The following DCTN1 variants were observed in gnomAD, a reference collection of about 807,000 sequenced individuals.
The protein encoded by DCTN1 is dynactin subunit 1.
Under a neutral mutation model 161.2 loss-of-function variants are expected in DCTN1, and 61 were observed. The observed-to-expected ratio is 0.38, with a 90% CI of 0.31 to 0.47. The LOEUF is 0.47. Ranked by LOEUF, DCTN1 falls within the 20% of genes least tolerant of loss-of-function variation. The pLI is 0.99. For missense variants in DCTN1, 1,404 were observed against 1,623.7 expected (o/e 0.86, Z 2.33); for synonymous variants, 653 against 632.4 (o/e 1.03, Z -0.49).
chr2:74,365,732 AT>A (rs1215030587), intron 24 of DCTN1, 75 bp from the exon 25 acceptor site: 12 of 1,612,700 alleles, frequency 7.4e-6, no homozygotes, highest in Non-Finnish European at 1.0e-5. Flanking sequence ...AGACCATGAG[AT>A]AGTAGGTTCC....
At chr2:74,367,936 C>T in intron 17 of DCTN1, 35 bp downstream of exon 17, 4 of 1,614,224 alleles carry the variant, frequency 2.5e-6, no homozygotes, top group Non-Finnish European at 3.4e-6. Flanking sequence ...ATCCTGGACC[C>T]CCACCCTGGG....
rs754525721 is a variant in DCTN1, at chr2:74,367,428, G to T, written c.2185-8C>A. 6.2e-7 allele frequency: 1 copy of T among 1,614,110 alleles called. No homozygotes were observed. Among genetic ancestry groups the T allele is most frequent in the Non-Finnish European group, 8.5e-7 (1 of 1,180,020 alleles). On this transcript the variant is annotated splice_polypyrimidine_tract_variant and splice_region_variant and intron_variant, in intron 18 of 31. Coordinates refer to ENST00000628224, the MANE Select transcript of DCTN1 (RefSeq NM_004082.5). ...GTGGATGCTGTACAGATGCTGAGGA[G>T]AGATAACAGACAGACAACTTTTAGG...
Position 74,371,650 on chromosome 2 carries a change from G to A in DCTN1, c.532C>T (p.Leu178=). The A allele has an allele frequency of 1.9e-6, 3 of 1,596,894 alleles. No individual in the cohort carries two copies. The highest frequency in any genetic ancestry group is 2.6e-6 in the Non-Finnish European group (3 of 1,173,006). ...GPSGSASAGE[L]SSSEPSTPAQ... ...GGGGTGCTGGGCTCACTGCTGCTCA[G>A]CTCACCTGCTGACGCTGAGCCAGAG... Residue 178 remains leucine, a synonymous_variant, in exon 8 of 32, where the codon CTG becomes TTG. Coordinates refer to ENST00000628224, the MANE Select transcript of DCTN1 (RefSeq NM_004082.5).
rs893332854 is a variant in DCTN1, at chr2:74,369,723, G to C, written c.1393-232C>G. ...AGCTACTCGGGAGGCTGAGGCAGGA[G>C]AATCGCTTGAACCTGGGAGGCGGAG... On this transcript the variant is annotated intron_variant, in intron 13 of 31. Coordinates refer to ENST00000628224, the MANE Select transcript of DCTN1 (RefSeq NM_004082.5). The surrounding 1 kb of genome is among the most constrained non-coding windows in gnomAD (Gnocchi z 4.9). Among the ~76,000 whole-genome samples the C allele has an allele frequency of 6.6e-6, 1 of 151,018 alleles. No homozygotes were observed. The highest frequency in any genetic ancestry group is 1.5e-5 in the Non-Finnish European group (1 of 67,892).
At chr2:74,365,494 G>GC in intron 25 of DCTN1, 21 bp downstream of exon 25, 1 of 1,614,090 alleles carries the variant, frequency 6.2e-7, no homozygotes, top group Non-Finnish European at 8.5e-7. Flanking sequence ...AGGAAGCAAG[G>GC]CCCCAGGGAA....
In DCTN1 at chr2:74,370,670, G is replaced by A. The variant is rs200952455; in HGVS notation, c.999C>T (p.Asp333=). The A allele has an allele frequency of 8.6e-5, 139 of 1,614,154 alleles. 6 individuals carry two copies. In the South Asian group the frequency reaches 9.2e-4, roughly 11 times the overall value. ...GGATCTCTAAGTCAGTAGTGAGCTC[G>A]TCCACCCGCTCCTTCAGTGCCTCCA... ...QEVEALKERV[D]ELTTDLEILK... Residue 333 remains aspartate, a synonymous_variant, in exon 10 of 32, where the codon GAC becomes GAT. Transcript: ENST00000628224. This position sits in a 1 kb window ranked among gnomAD's most constrained non-coding sequence, Gnocchi z 4.4.
chr2:74,366,462 C>T lies in DCTN1; in HGVS notation c.2625G>A (p.Glu875=), dbSNP rs1437635303. The change falls in exon 22 of 32, where the codon GAG becomes GAA. Residue 875 remains glutamate (E), a synonymous_variant. Transcript: ENST00000628224. ...CTACCCAGCCATCCAGGCCCACCTG[C>T]TCGCTTGCTTTGAAAGCCAGTTCCT... ...ALEELAFKAS[E]QIYGTPSSSP... 1.2e-6 allele frequency: 2 copies of T among 1,614,236 alleles called. No individual in the cohort carries two copies. Among genetic ancestry groups the T allele is most frequent in the South Asian group, 1.1e-5 (1 of 91,090 alleles).
exon 1 of DCTN1, chr2:74,391,799 C>T: frequency 2.2e-6 from 1 of 453,950 alleles, no homozygotes; most frequent in East Asian, 7.0e-5. Flanking sequence ...CGTACCTGCA[C>T]TGTGAGGGGC....
At chr2:74,388,197 A>AAAAACAAAACAAAAC (rs56908271) in intron 1 of DCTN1, among the ~76,000 whole-genome samples, 7 of 150,668 alleles carry the variant, frequency 4.6e-5, no homozygotes, top group Admixed American at 2.6e-4. Flanking sequence ...ACTGTATCTC[A>AAAAACAAAACAAAAC]AAAACAAAAC....
At position 74,372,918 on chromosome 2, in the gene DCTN1, G is replaced by C. The variant is rs1674971584; in HGVS notation, c.453+10C>G. 6.2e-7 allele frequency: 1 copy of C among 1,613,946 alleles called. No homozygotes were observed. On this transcript the variant is annotated intron_variant, in intron 7 of 31. Transcript: ENST00000628224. ...TCAGCAGTGGCTCACACAGGGGCCT[G>C]TTTTCTCACCTTGGGTCGCCGAGTT...
chr2:74,361,995 G>T (rs1436971834), intron 31 of DCTN1, 57 bp downstream of exon 31: 15 of 1,568,872 alleles, frequency 9.6e-6, no homozygotes, highest in Non-Finnish European at 1.3e-5. Context: ...TGGAGGAGAG[G>T]GGGGCCCGCC....
intron 26 of DCTN1, chr2:74,364,649 C>A: frequency 3.3e-6 from 1 of 300,590 alleles, no homozygotes; most frequent in Non-Finnish European, 6.5e-6. Context: ...AATGAAGCCA[C>A]ATGAACTCAG....
chr2:74,363,183 G>A lies in DCTN1; in HGVS notation c.3346-6C>T, dbSNP rs528028895. 5.6e-6 allele frequency: 9 copies of A among 1,614,052 alleles called. No homozygotes were observed. The East Asian group carries it at 1.6e-4, about 28-fold the overall frequency. The stretch of plus-strand genomic sequence containing the variant: ...GATGCCTTCATCTGGGCTCCCTGTG[G>A]ATGAAAAAAGAAGGATAGTGGTAAG... On this transcript the variant is annotated splice_region_variant and splice_polypyrimidine_tract_variant and intron_variant, in intron 28 of 31. Transcript: ENST00000628224.
intron 26 of DCTN1, chr2:74,364,809 AG>A (rs1674279093): frequency 2.0e-6 from 1 of 511,648 alleles, no homozygotes; most frequent in East Asian, 3.7e-5. Context: ...AGAGCCAGAA[AG>A]GACATCTACT....
intron 19 of DCTN1, 77 bp downstream of exon 19, chr2:74,367,275 G>T: frequency 3.2e-6 from 5 of 1,575,606 alleles, no homozygotes; most frequent in South Asian, 1.1e-5. Flanking sequence ...GACACTTCTT[G>T]GGTGCCTGAT....
At chr2:74,362,344 A>G (rs1674070267) in intron 30 of DCTN1, among the ~76,000 whole-genome samples, 1 of 152,054 alleles carries the variant, frequency 6.6e-6, no homozygotes, top group Admixed American at 6.5e-5. Flanking sequence ...GTAAGGCCCA[A>G]CTCACATTCT....
At chr2:74,385,746 A>G (rs1198851652) in intron 1 of DCTN1, 1 of 152,236 alleles carries the variant, frequency 6.6e-6, no homozygotes, top group African/African-American at 2.4e-5. Flanking sequence ...CTGCAGCAGG[A>G]AAAGGTAAGT....
Position 74,365,541 on chromosome 2 carries a change from G to A in DCTN1, c.3003C>T (p.Thr1001=), listed in dbSNP as rs376031920. 4.2e-5 allele frequency: 67 copies of A among 1,613,958 alleles called. No individual in the cohort carries two copies. The Admixed American group carries it at 6.2e-4, about 15-fold the overall frequency. ...IEKVQTRLEE[T]QALLRKKEKE... is the part of the protein sequence containing the mutation. ...TCTCCTTCTTTCGCAGCAGTGCCTG[G>A]GTCTCCTCCAGCCGAGTCTGGACTT... The change falls in exon 25 of 32, where the codon ACC becomes ACT. Residue 1001 remains threonine (T), a synonymous_variant. Coordinates refer to ENST00000628224, the MANE Select transcript of DCTN1 (RefSeq NM_004082.5).
In DCTN1 at chr2:74,369,358, G is replaced by A. The variant is rs967117932; in HGVS notation, c.1526C>T (p.Thr509Met). Residue 509 changes from threonine to methionine, a missense_variant, in exon 14 of 32, where the codon ACG becomes ATG. This residue lies in a region of DCTN1 where 278 missense variants were observed against 363.8 expected (regional missense o/e 0.76). Coordinates refer to ENST00000628224, the MANE Select transcript of DCTN1 (RefSeq NM_004082.5). The surrounding 1 kb of genome is among the most constrained non-coding windows in gnomAD (Gnocchi z 4.9). The stretch of plus-strand genomic sequence containing the variant: ...GATGGTCTGCTGGTAGTCTGCAACC[G>A]TCTCCTGGGCTGCCTCCACACGCTT... ...AQKRVEAAQE[T>M]VADYQQTIKK... 87 of 1,614,070 alleles carry A rather than the reference G, an allele frequency of 5.4e-5. No individual in the cohort carries two copies. Among genetic ancestry groups the A allele is most frequent in the Non-Finnish European group, 7.3e-5 (86 of 1,180,050 alleles).
Sources: gnomAD v4.1 joint callset for allele counts (sites outside exome capture counted in the v4.1 genomes callset) on GRCh38, gnomAD v4.1.1 for gene constraint, gnomAD v4.1.1 regional missense constraint, Gnocchi (gnomAD v3.1) non-coding constraint, MANE v1.5 for transcripts, NCBI Gene and HGNC (gene_info 2026-07-23, HGNC 2026-07-21) for gene names.